TRERF1: variants seen among roughly 807,000 people sequenced by gnomAD.
TRERF1 encodes transcriptional regulating factor 1, also known as transcriptional-regulating factor 1.
Under a neutral mutation model 122.9 loss-of-function variants are expected in TRERF1, and 27 were observed. That is an observed-to-expected ratio of 0.22 (90% CI 0.16 to 0.30). TRERF1 has a LOEUF of 0.30. Among genes scored for constraint, TRERF1 ranks in the 10% least tolerant of loss-of-function variants. The pLI is 1.00. For synonymous variants in TRERF1, 636 were observed against 641.7 expected, an observed-to-expected ratio of 0.99 and a Z score of 0.13; for missense variants, 1,248 against 1,560.3, an observed-to-expected ratio of 0.80 and a Z score of 3.37.
At chr6:42,309,613 GT>G (rs1456343044) in intron 3 of TRERF1, among the ~76,000 whole-genome samples, 1 of 152,162 alleles carries the variant, frequency 6.6e-6, no homozygotes, top group African/African-American at 2.4e-5. Flanking sequence ...CTCACCTCAA[GT>G]TTGCTGAATT....
intron 2 of TRERF1, among the ~76,000 whole-genome samples, chr6:42,436,814 A>AATAATAT (rs1785500928): frequency 1.5e-5 from 1 of 66,686 alleles, no homozygotes; most frequent in Admixed American, 2.4e-4. Context: ...AAAAAAAAAA[A>AATAATAT]ATATATATAT....
At chr6:42,353,861 C>T (rs1769977569) in intron 3 of TRERF1, among the ~76,000 whole-genome samples, 1 of 152,012 alleles carries the variant, frequency 6.6e-6, no homozygotes, top group Non-Finnish European at 1.5e-5. Flanking sequence ...GTTATAAATG[C>T]ATAAGAAAAG....
At chr6:42,451,291 G>A (rs1788443371) in intron 1 of TRERF1, 30 bp from the exon 2 acceptor site, 1 of 152,762 alleles carries the variant, frequency 6.5e-6, no homozygotes, top group African/African-American at 2.4e-5. Context: ...ATTAATTTAT[G>A]TCAGCCGCCT....
intron 2 of TRERF1, among the ~76,000 whole-genome samples, chr6:42,390,370 C>T (rs1232168623): frequency 6.6e-6 from 1 of 152,122 alleles, no homozygotes; most frequent in Non-Finnish European, 1.5e-5. Flanking sequence ...CTCCACAGGC[C>T]TCATAAGAGG....
chr6:42,288,530 T>C (rs1246456350), intron 4 of TRERF1, among the ~76,000 whole-genome samples: 1 of 145,676 alleles, frequency 6.9e-6, no homozygotes, highest in Non-Finnish European at 1.5e-5. Flanking sequence ...ATGGCTCCAT[T>C]GCACTCCAGC....
chr6:42,359,121 G>T (rs1771198266), intron 3 of TRERF1, among the ~76,000 whole-genome samples: 1 of 152,044 alleles, frequency 6.6e-6, no homozygotes, highest in Admixed American at 6.6e-5. Context: ...GCTTTTGGAG[G>T]CCCTGTGCCA....
At chr6:42,307,673 G>C (rs1220326883) in intron 3 of TRERF1, among the ~76,000 whole-genome samples, 1 of 147,916 alleles carries the variant, frequency 6.8e-6, no homozygotes, top group Non-Finnish European at 1.5e-5. Flanking sequence ...TTACTAAAGG[G>C]GAGAGGTAAA....
rs1781178620 is a variant in TRERF1, at chr6:42,412,034, CTT to C, written c.-454+39141_-454+39142del. Among the ~76,000 whole-genome samples the C allele has an allele frequency of 2.8e-5, 3 of 105,388 alleles. No individual in the cohort carries two copies. The Admixed American group carries it at 3.7e-4, about 13-fold the overall frequency. 69.1% of individuals were successfully genotyped at this position (105,388 alleles called of 152,430 possible). A position where few individuals can be genotyped will look rare whatever the true frequency, so the allele number is the denominator to read the frequency against. ...TTTTTTTTTGAGACGGAGTTTTGCT[CTT>C]GTTGCCCAGGCTGGAGTGCAATGGT... is the stretch of plus-strand genomic sequence containing the variant. On this transcript the variant is annotated intron_variant, in intron 2 of 17. Transcript: ENST00000372922.
chr6:42,268,127 T>G lies in TRERF1; in HGVS notation c.1437+27A>C. 1 of 1,434,944 alleles carries G rather than the reference T, an allele frequency of 7.0e-7. No individual in the cohort carries two copies. The highest frequency in any genetic ancestry group is 9.2e-7 in the Non-Finnish European group (1 of 1,092,064). 88.9% of individuals were successfully genotyped at this position (1,434,944 alleles called of 1,614,324 possible). On this transcript the variant is annotated intron_variant, in intron 5 of 17. Transcript: ENST00000372922. The surrounding 1 kb of genome is among the most constrained non-coding windows in gnomAD (Gnocchi z 4.4). ...CCTGACCCTGTAGCACACTGGGTAT[T>G]GAGAGAAACTTCCAATGGGAGAATA...
chr6:42,263,319 C>T lies in TRERF1; in HGVS notation c.1884+1G>A, dbSNP rs376274724. ...TGTGGGGGAGAGAGGGTCATCCTCA[C>T]GAGCACAGGCATCTCGTCGTCCGAC... On this transcript the variant is annotated splice_donor_variant, in intron 8 of 17. Transcript: ENST00000372922. LOFTEE classifies it high-confidence loss of function. This position sits in a 1 kb window ranked among gnomAD's most constrained non-coding sequence, Gnocchi z 5.6. 5.2e-5 allele frequency: 83 copies of T among 1,609,690 alleles called. No individual in the cohort carries two copies. The highest frequency in any genetic ancestry group is 6.7e-5 in the Non-Finnish European group (79 of 1,177,898).
chr6:42,283,853 C>T (rs1782737903), intron 4 of TRERF1, among the ~76,000 whole-genome samples: 1 of 151,940 alleles, frequency 6.6e-6, no homozygotes, highest in Non-Finnish European at 1.5e-5. Context: ...CAACCTCAGG[C>T]AATCTGCCCG....
chr6:42,314,744 G>C (rs956536572), intron 3 of TRERF1, among the ~76,000 whole-genome samples: 7 of 152,204 alleles, frequency 4.6e-5, no homozygotes, highest in Non-Finnish European at 1.0e-4. Flanking sequence ...TCTGGGGAAA[G>C]AGCATTCTAG....
At chr6:42,336,154 G>C (rs1164544601) in intron 3 of TRERF1, among the ~76,000 whole-genome samples, 3 of 152,208 alleles carry the variant, frequency 2.0e-5, no homozygotes, top group Admixed American at 6.5e-5. Flanking sequence ...TATCCCCAGG[G>C]ACTAGCAGGG....
intron 4 of TRERF1, among the ~76,000 whole-genome samples, chr6:42,284,371 T>A (rs114766480): frequency 0.012 from 1,758 of 152,270 alleles, 32 homozygotes; most frequent in African/African-American, 0.039. Context: ...ACAGTGCCAG[T>A]CTTTAATAGT....
chr6:42,236,665 G>A (rs1364292196), intron 15 of TRERF1, among the ~76,000 whole-genome samples: 2 of 152,170 alleles, frequency 1.3e-5, no homozygotes, highest in Admixed American at 6.5e-5. Flanking sequence ...CTTATATAAA[G>A]ATATGGTGAG....
At chr6:42,374,003 C>T (rs1325250572) in intron 2 of TRERF1, among the ~76,000 whole-genome samples, 4 of 151,244 alleles carry the variant, frequency 2.6e-5, no homozygotes, top group Non-Finnish European at 5.9e-5. Context: ...CGTGGTGGCA[C>T]GTGCTTGTAA....
chr6:42,372,698 T>C (rs998598406), intron 2 of TRERF1, among the ~76,000 whole-genome samples: 1 of 152,088 alleles, frequency 6.6e-6, no homozygotes, highest in Non-Finnish European at 1.5e-5. Context: ...TGATGCCTAA[T>C]AGAGAGATGG....
intron 3 of TRERF1, among the ~76,000 whole-genome samples, chr6:42,333,230 A>G (rs913415704): frequency 2.0e-5 from 3 of 152,190 alleles, no homozygotes; most frequent in Non-Finnish European, 4.4e-5. Context: ...ATGTATCTCA[A>G]TTTTCAGAAG....
intron 4 of TRERF1, among the ~76,000 whole-genome samples, chr6:42,279,876 C>T (rs554207093): frequency 6.6e-5 from 10 of 152,238 alleles, no homozygotes; most frequent in South Asian, 6.2e-4. Flanking sequence ...AGAGAAGAAG[C>T]GATCATCTTA....
Sources: allele counts gnomAD v4.1 joint callset (sites outside exome capture counted in the v4.1 genomes callset), GRCh38; gene constraint gnomAD v4.1.1; non-coding constraint Gnocchi (gnomAD v3.1); transcripts MANE v1.5; gene names NCBI Gene and HGNC (gene_info 2026-07-23, HGNC 2026-07-21).